The following INTS5 variants were observed in gnomAD, a reference collection of about 807,000 sequenced individuals.
INTS5 encodes integrator complex subunit 5, also known as KIAA1698.
In INTS5, 29 loss-of-function variants were observed where a neutral mutation model predicts 60.0. The ratio of observed to expected loss-of-function variants is 0.48; its 90% CI spans 0.36 to 0.66. The LOEUF is 0.66. Among genes scored for constraint, INTS5 ranks in the 30% least tolerant of loss-of-function variants. The pLI is 0.00. For missense variants in INTS5, 1,129 were observed against 1,307.9 expected (o/e 0.86, Z 2.11); for synonymous variants, 588 against 558.8 (o/e 1.05, Z -0.74).
Position 62,653,258 on chromosome 11 carries a change from C to T in INTS5, c.-9G>A. ...TCGCACAGCGCGGACATCCCGGAGC[C>T]CGAGCCGAGCCCGAGGCGCGAGCGG... On this transcript the variant is annotated 5_prime_UTR_variant, in exon 1 of 2. Coordinates refer to ENST00000330574, the MANE Select transcript of INTS5 (RefSeq NM_030628.2). 1.6e-6 allele frequency: 2 copies of T among 1,241,694 alleles called. No homozygotes were observed. Among genetic ancestry groups the T allele is most frequent in the Non-Finnish European group, 2.0e-6 (2 of 987,232 alleles). 76.9% of individuals were successfully genotyped at this position (1,241,694 alleles called of 1,614,324 possible). A position where few individuals can be genotyped will look rare whatever the true frequency, so the allele number is the denominator to read the frequency against.
At position 62,649,932 on chromosome 11, in the gene INTS5, G is replaced by A. The variant is rs1311431352; in HGVS notation, c.148C>T (p.Leu50Phe). 1.2e-6 allele frequency: 2 copies of A among 1,614,086 alleles called. No homozygotes were observed. Among genetic ancestry groups the A allele is most frequent in the East Asian group, 2.2e-5 (1 of 44,894 alleles). ...TGVDPILGHQ[L>F]SAREHARCGL... ...CAGCGAGCATGTTCCCGGGCTGAGAGTTGGTGGCCCAGAATGGGGTCTACG... is the reference window on the plus strand; with the variant it reads ...CAGCGAGCATGTTCCCGGGCTGAGAATTGGTGGCCCAGAATGGGGTCTACG... The change falls in exon 2 of 2, where the codon CTC becomes TTC. Residue 50 changes from leucine (L) to phenylalanine (F), a missense_variant. Physicochemically the swap from Leu to Phe is conservative, Grantham distance 22. Transcript: ENST00000330574. The surrounding 1 kb of genome is among the most constrained non-coding windows in gnomAD (Gnocchi z 6.0).
chr11:62,651,697 AAATAAT>A (rs916927249), intron 1 of INTS5, among the ~76,000 whole-genome samples: 220 of 151,842 alleles, frequency 1.4e-3, no homozygotes, highest in African/African-American at 5.1e-3. Context: ...ATCTCTACAA[AAATAAT>A]AATAATAATA....
rs144315646 is a variant in INTS5, at chr11:62,647,708, C to T, written c.2372G>A (p.Gly791Glu). 4.1e-5 allele frequency: 66 copies of T among 1,614,054 alleles called. No individual in the cohort carries two copies. The highest frequency in any genetic ancestry group is 5.6e-5 in the Non-Finnish European group (66 of 1,180,050). The change falls in exon 2 of 2, where the codon GGG (glycine) becomes GAG (glutamate). Residue 791 changes from glycine to glutamate, a missense_variant. By Grantham distance (98) the Gly-to-Glu change is moderately conservative (BLOSUM62 -2). This residue lies in a region of INTS5 where 1,070 missense variants were observed against 1,246.1 expected (regional missense o/e 0.86). Coordinates refer to ENST00000330574, the MANE Select transcript of INTS5 (RefSeq NM_030628.2). The part of the protein sequence containing the change: ...SLLVHCCSAP[G>E]GTECGECWGA... ...CCAGCATTCCCCACATTCAGTGCCCCCTGGGGCACTGCAGCAGTGAACCAG... is the reference window on the plus strand; with the variant it reads ...CCAGCATTCCCCACATTCAGTGCCCTCTGGGGCACTGCAGCAGTGAACCAG...
In INTS5 at chr11:62,653,245, G is replaced by C. The variant is rs1422813644; in HGVS notation, c.5C>G (p.Ser2Cys). 2 of 1,243,394 alleles carry C rather than the reference G, an allele frequency of 1.6e-6. No individual in the cohort carries two copies. The highest frequency in any genetic ancestry group is 2.0e-6 in the Non-Finnish European group (2 of 987,532). 77.0% of individuals were successfully genotyped at this position (1,243,394 alleles called of 1,614,324 possible). A position where few individuals can be genotyped will look rare whatever the true frequency, so the allele number is the denominator to read the frequency against. The change falls in exon 1 of 2, where the codon TCC becomes TGC. Residue 2 changes from serine to cysteine, a missense_variant. Ser to Cys is a moderately radical substitution (Grantham distance 112). Around this residue, in one of 3 missense-constraint regions of INTS5, gnomAD observed 54 missense variants for 43.1 expected, o/e 1.25. Coordinates refer to ENST00000330574, the MANE Select transcript of INTS5 (RefSeq NM_030628.2). M[S>C]ALCDPPGAPG... ...GGCCCCGGGAGGGTCGCACAGCGCG[G>C]ACATCCCGGAGCCCGAGCCGAGCCC...
In INTS5 at chr11:62,653,291, C is replaced by T; in HGVS notation, c.-42G>A. The T allele has an allele frequency of 1.6e-6, 2 of 1,221,992 alleles. No individual in the cohort carries two copies. The highest frequency in any genetic ancestry group is 2.1e-6 in the Non-Finnish European group (2 of 970,250). The allele number at this position is 1,221,992 out of a possible 1,614,324, so 75.7% of individuals were successfully genotyped here. On this transcript the variant is annotated 5_prime_UTR_variant, in exon 1 of 2. Coordinates refer to ENST00000330574, the MANE Select transcript of INTS5 (RefSeq NM_030628.2). ...AGCCCGAGGCGCGAGCGGCGGAGCGCAGGCGGCGCATGCGCGCTGACAGGA... is the reference window on the plus strand; with the variant it reads ...AGCCCGAGGCGCGAGCGGCGGAGCGTAGGCGGCGCATGCGCGCTGACAGGA...
chr11:62,650,105 T>C, intron 1 of INTS5, 106 bp from the exon 2 acceptor site: 2 of 901,926 alleles, frequency 2.2e-6, no homozygotes, highest in East Asian at 2.6e-5. Flanking sequence ...ATAATAAAAA[T>C]ACTTCCCTCA....
chr11:62,650,162 G>C (rs1944582611), intron 1 of INTS5, among the ~76,000 whole-genome samples, 163 bp from the exon 2 acceptor site: 1 of 152,092 alleles, frequency 6.6e-6, no homozygotes, highest in South Asian at 2.1e-4. Flanking sequence ...TGTTGTCCAG[G>C]CTGGAGTGCA....
Position 62,648,993 on chromosome 11 carries a change from G to A in INTS5, c.1087C>T (p.Leu363Phe), listed in dbSNP as rs1225782136. 10 of 1,613,432 alleles carry A rather than the reference G, an allele frequency of 6.2e-6. No homozygotes were observed. The highest frequency in any genetic ancestry group is 8.5e-6 in the Non-Finnish European group (10 of 1,179,770). ...TGGCTCAGCACAGCTGGGGGCTTGAGGCAATCCACAAGCTCTCCAGAGACA... is the reference window on the plus strand; with the variant it reads ...TGGCTCAGCACAGCTGGGGGCTTGAAGCAATCCACAAGCTCTCCAGAGACA... ...GTVSGELVDC[L>F]KPPAVLSQLQ... Residue 363 changes from leucine to phenylalanine, a missense_variant, in exon 2 of 2, where the codon CTC becomes TTC. This residue lies in a region of INTS5 where 1,070 missense variants were observed against 1,246.1 expected (regional missense o/e 0.86). Transcript: ENST00000330574. This position sits in a 1 kb window ranked among gnomAD's most constrained non-coding sequence, Gnocchi z 4.4.
Position 62,646,987 on chromosome 11 carries a change from T to C in INTS5, c.*33A>G. On this transcript the variant is annotated 3_prime_UTR_variant, in exon 2 of 2. Transcript: ENST00000330574. The stretch of plus-strand genomic sequence containing the variant: ...GTTAGTCCCTTCCCTCTCTCACTGC[T>C]CAACCTCCCTGGGCTTCCAGAGCAA... The C allele has an allele frequency of 1.9e-6, 3 of 1,564,316 alleles. No homozygotes were observed. The highest frequency in any genetic ancestry group is 1.7e-6 in the Non-Finnish European group (2 of 1,143,722).
rs369169248 is a variant in INTS5 at position 62,648,805 on chromosome 11, C to G, written c.1275G>C (p.Leu425=). The G allele has an allele frequency of 6.2e-7, 1 of 1,614,054 alleles. No individual in the cohort carries two copies. Among genetic ancestry groups the G allele is most frequent in the Non-Finnish European group, 8.5e-7 (1 of 1,180,056 alleles). The change falls in exon 2 of 2, where the codon CTG becomes CTC. Residue 425 remains leucine (L), a synonymous_variant. Coordinates refer to ENST00000330574, the MANE Select transcript of INTS5 (RefSeq NM_030628.2). The surrounding 1 kb of genome is among the most constrained non-coding windows in gnomAD (Gnocchi z 4.4). The part of the protein sequence containing the change: ...MPASVITTQG[L]AVPDTVREAC... ...CCTCACGCACGGTGTCTGGCACAGC[C>G]AGGCCCTGGGTGGTAATGACCGAAG...
At position 62,646,897 on chromosome 11, in the gene INTS5, GA is replaced by G; in HGVS notation, c.*122del. ...TATTTAGAAAAAAAAAAGTGGGAGA[GA>G]AAAAAGTGACAGCGCTCTTTAGACC... On this transcript the variant is annotated 3_prime_UTR_variant, in exon 2 of 2. Coordinates refer to ENST00000330574, the MANE Select transcript of INTS5 (RefSeq NM_030628.2). The G allele has an allele frequency of 1.1e-6, 1 of 904,332 alleles. No homozygotes were observed. The highest frequency in any genetic ancestry group is 1.7e-6 in the Non-Finnish European group (1 of 598,208). The allele number at this position is 904,332 out of a possible 1,614,324, so 56.0% of individuals were successfully genotyped here.
chr11:62,648,386 G>A lies in INTS5; in HGVS notation c.1694C>T (p.Thr565Ile), dbSNP rs754084619. 3 of 1,614,182 alleles carry A rather than the reference G, an allele frequency of 1.9e-6. No homozygotes were observed. Among genetic ancestry groups the A allele is most frequent in the Non-Finnish European group, 8.5e-7 (1 of 1,180,026 alleles). The change falls in exon 2 of 2, where the codon ACA becomes ATA. Residue 565 changes from threonine to isoleucine, a missense_variant. Transcript: ENST00000330574. This position sits in a 1 kb window ranked among gnomAD's most constrained non-coding sequence, Gnocchi z 4.4. Reference protein sequence around the residue: ...RSCLARVHAGTLQPPFTARFL... With the variant: ...RSCLARVHAGILQPPFTARFL... ...CCGGGCCGTGAAGGGAGGCTGTAAT[G>A]TCCCTGCATGCACCCGAGCCAGACA...
In INTS5 at chr11:62,653,288, G is replaced by A. The variant is rs1944612361; in HGVS notation, c.-39C>T. 5 of 1,220,494 alleles carry A rather than the reference G, an allele frequency of 4.1e-6. No homozygotes were observed. The highest frequency in any genetic ancestry group is 5.2e-6 in the Non-Finnish European group (5 of 968,826). The allele number at this position is 1,220,494 out of a possible 1,614,324, so 75.6% of individuals were successfully genotyped here. A position where few individuals can be genotyped will look rare whatever the true frequency, so the allele number is the denominator to read the frequency against. ...CCGAGCCCGAGGCGCGAGCGGCGGA[G>A]CGCAGGCGGCGCATGCGCGCTGACA... On this transcript the variant is annotated 5_prime_UTR_variant, in exon 1 of 2. Transcript: ENST00000330574.
chr11:62,648,801 C>T lies in INTS5; in HGVS notation c.1279G>A (p.Val427Met). 1 of 1,614,178 alleles carries T rather than the reference C, an allele frequency of 6.2e-7. No individual in the cohort carries two copies. Among genetic ancestry groups the T allele is most frequent in the Non-Finnish European group, 8.5e-7 (1 of 1,180,038 alleles). The stretch of plus-strand genomic sequence containing the variant: ...CAAGCCTCACGCACGGTGTCTGGCA[C>T]AGCCAGGCCCTGGGTGGTAATGACC... ...ASVITTQGLA[V>M]PDTVREACDR... Residue 427 changes from valine to methionine, a missense_variant, in exon 2 of 2, where the codon GTG becomes ATG. Transcript: ENST00000330574. The surrounding 1 kb of genome is among the most constrained non-coding windows in gnomAD (Gnocchi z 4.4).
Position 62,648,945 on chromosome 11 carries a change from A to G in INTS5, c.1135T>C (p.Phe379Leu), listed in dbSNP as rs775001114. The stretch of plus-strand genomic sequence containing the variant: ...ATGTTGTCCAGCTCCTCTCGGGGGA[A>G]TCCTTGAAGGTGTTGCTGCAGCTGG... ...LSQLQQHLQG[F>L]PREELDNMLN... Residue 379 changes from phenylalanine to leucine, a missense_variant, in exon 2 of 2, where the codon TTC (phenylalanine) becomes CTC (leucine). Phe to Leu is a conservative substitution (Grantham distance 22). Transcript: ENST00000330574. The surrounding 1 kb of genome is among the most constrained non-coding windows in gnomAD (Gnocchi z 4.4). The G allele has an allele frequency of 1.9e-6, 3 of 1,612,656 alleles. No homozygotes were observed. Among genetic ancestry groups the G allele is most frequent in the South Asian group, 1.1e-5 (1 of 91,038 alleles).
chr11:62,650,032 T>C, intron 1 of INTS5, 33 bp from the exon 2 acceptor site: 1 of 1,545,888 alleles, frequency 6.5e-7, no homozygotes, highest in South Asian at 1.1e-5. Flanking sequence ...GACTTAAGAG[T>C]GTTGTGAGAT....
At position 62,646,935 on chromosome 11, in the gene INTS5, A is replaced by C; in HGVS notation, c.*85T>G. 1.7e-6 allele frequency: 2 copies of C among 1,147,850 alleles called. No individual in the cohort carries two copies. Among genetic ancestry groups the C allele is most frequent in the Non-Finnish European group, 2.5e-6 (2 of 799,168 alleles). The allele number at this position is 1,147,850 out of a possible 1,614,324, so 71.1% of individuals were successfully genotyped here. The stretch of plus-strand genomic sequence containing the variant: ...GCGCTCTTTAGACCAAGGACTTAGA[A>C]GAGAAACCTCCACCCTTCCGGAGCA... On this transcript the variant is annotated 3_prime_UTR_variant, in exon 2 of 2. Coordinates refer to ENST00000330574, the MANE Select transcript of INTS5 (RefSeq NM_030628.2).
At position 62,648,664 on chromosome 11, in the gene INTS5, G is replaced by A; in HGVS notation, c.1416C>T (p.Pro472=). 1 of 1,614,074 alleles carries A rather than the reference G, an allele frequency of 6.2e-7. No homozygotes were observed. The highest frequency in any genetic ancestry group is 8.5e-7 in the Non-Finnish European group (1 of 1,179,978). ...CATGGTTTTTGAGCGCATCTAAAAA[G>A]GGCACCAAGCGGGGAGGTGGGGGCG... The part of the protein sequence containing the change: ...LGPPPPPRLV[P]FLDALKNHVG... Residue 472 remains proline, a synonymous_variant, in exon 2 of 2, where the codon CCC becomes CCT. Coordinates refer to ENST00000330574, the MANE Select transcript of INTS5 (RefSeq NM_030628.2). The surrounding 1 kb of genome is among the most constrained non-coding windows in gnomAD (Gnocchi z 4.4).
Position 62,649,258 on chromosome 11 carries a change from G to T in INTS5, c.822C>A (p.Asp274Glu), listed in dbSNP as rs751833757. Residue 274 changes from aspartate (D) to glutamate (E), a missense_variant, in exon 2 of 2, where the codon GAC becomes GAA. Physicochemically the swap from Asp to Glu is conservative, Grantham distance 45. Coordinates refer to ENST00000330574, the MANE Select transcript of INTS5 (RefSeq NM_030628.2). This position sits in a 1 kb window ranked among gnomAD's most constrained non-coding sequence, Gnocchi z 6.0. ...GAATGGCAGGAGATCCAGGGAAGGG[G>T]TCTGTAGAGGGGGTCTGAGAAGAGC... ...GGSSSQTPST[D>E]PFPGSPAIPA... The T allele has an allele frequency of 1.2e-6, 2 of 1,614,114 alleles. No individual in the cohort carries two copies. The highest frequency in any genetic ancestry group is 1.1e-5 in the South Asian group (1 of 91,078).
Sources: gnomAD v4.1 joint callset for allele counts (sites outside exome capture counted in the v4.1 genomes callset) on GRCh38, gnomAD v4.1.1 for gene constraint, gnomAD v4.1.1 regional missense constraint, Gnocchi (gnomAD v3.1) non-coding constraint, MANE v1.5 for transcripts, NCBI Gene and HGNC (gene_info 2026-07-23, HGNC 2026-07-21) for gene names.